The following GRID1 variants were observed in gnomAD, a reference collection of about 807,000 sequenced individuals.
The protein encoded by GRID1 is glutamate receptor ionotropic, delta-1.
A neutral mutation model predicts 98.0 loss-of-function variants in GRID1; 28 were observed. The observed-to-expected ratio is 0.29, with a 90% CI of 0.21 to 0.39. The LOEUF (loss-of-function observed/expected upper bound fraction) is 0.39. Among genes scored for constraint, GRID1 ranks in the 10% least tolerant of loss-of-function variants. The pLI, the probability that GRID1 is intolerant of heterozygous loss-of-function variation, is 1.00. For missense variants in GRID1, 1,111 were observed against 1,340.5 expected, an observed-to-expected ratio of 0.83 and a Z score of 2.67; for synonymous variants, 553 against 538.5, an observed-to-expected ratio of 1.03 and a Z score of -0.37.
intron 8 of GRID1, among the ~76,000 whole-genome samples, chr10:85,767,842 T>A (rs117009506): frequency 6.6e-6 from 1 of 152,342 alleles, no homozygotes; most frequent in East Asian, 1.9e-4. Context: ...GCATGAGATG[T>A]TTGTTGAGAG....
chr10:85,599,802 A>AAAAAAATATATATATATATATATATATAT lies in GRID1; in HGVS notation c.*2470_*2471insATATATATATATATATATATATATTTTTT. The AAAAAAATATATATATATATATATATATAT allele has an allele frequency of 4.6e-5, 3 of 64,996 alleles. No homozygotes were observed. Among genetic ancestry groups the AAAAAAATATATATATATATATATATATAT allele is most frequent in the African/African-American group, 9.3e-5 (1 of 10,730 alleles). 4.0% of individuals were successfully genotyped at this position (64,996 alleles called of 1,614,324 possible). Reference sequence around the variant, plus strand: ...GTAGAAAATTCTAAAAAAAAAAAAAAATATATATATATATATATAAACATG... The same window carrying AAAAAAATATATATATATATATATATATAT: ...GTAGAAAATTCTAAAAAAAAAAAAAAAAAAAATATATATATATATATATATATATATATATATATATATATATAAACATG... On this transcript the variant is annotated 3_prime_UTR_variant, in exon 16 of 16. Coordinates refer to ENST00000327946, the MANE Select transcript of GRID1 (RefSeq NM_017551.3).
intron 12 of GRID1, among the ~76,000 whole-genome samples, chr10:85,666,685 G>T (rs917025128): frequency 6.6e-6 from 1 of 152,180 alleles, no homozygotes; most frequent in Non-Finnish European, 1.5e-5. Context: ...TACAGGGGAC[G>T]TGACTTCAAC....
At chr10:86,199,350 A>G (rs756486674) in intron 3 of GRID1, among the ~76,000 whole-genome samples, 7 of 152,168 alleles carry the variant, frequency 4.6e-5, no homozygotes, top group Non-Finnish European at 7.4e-5. Context: ...AATATATTTA[A>G]CCAATTTGCT....
chr10:86,095,236 T>A, intron 4 of GRID1, among the ~76,000 whole-genome samples: 1 of 152,178 alleles, frequency 6.6e-6, no homozygotes, highest in East Asian at 1.9e-4. Context: ...ACCTAAGACC[T>A]GAAACTATAA....
At chr10:86,178,343 C>T (rs1464542619) in intron 3 of GRID1, among the ~76,000 whole-genome samples, 1 of 152,160 alleles carries the variant, frequency 6.6e-6, no homozygotes, top group Non-Finnish European at 1.5e-5. Flanking sequence ...CCTATTTGCA[C>T]ACAAAAGCGG....
At chr10:85,867,882 G>A (rs987015715) in intron 6 of GRID1, among the ~76,000 whole-genome samples, 1 of 152,214 alleles carries the variant, frequency 6.6e-6, no homozygotes, top group African/African-American at 2.4e-5. Context: ...ACCATCCGTT[G>A]AGGCATGTTT....
intron 12 of GRID1, among the ~76,000 whole-genome samples, chr10:85,719,784 A>T (rs11201750): frequency 0.059 from 9,057 of 152,246 alleles, 510 homozygotes; most frequent in African/African-American, 0.15. Context: ...CAAACTTCAT[A>T]CAGAAATTCA....
intron 2 of GRID1, among the ~76,000 whole-genome samples, chr10:86,247,037 C>A (rs1250268087): frequency 6.6e-6 from 1 of 152,250 alleles, no homozygotes; most frequent in African/African-American, 2.4e-5. Context: ...CTGCCTGACA[C>A]CGTGCCTGGA....
intron 2 of GRID1, among the ~76,000 whole-genome samples, chr10:86,273,107 C>T (rs558373905): frequency 1.3e-4 from 20 of 152,008 alleles, no homozygotes; most frequent in Non-Finnish European, 2.8e-4. Context: ...GTTCCCCTTC[C>T]TCTGTCCATG....
chr10:85,942,196 C>A (rs1462266021), intron 4 of GRID1, among the ~76,000 whole-genome samples: 1 of 152,212 alleles, frequency 6.6e-6, no homozygotes, highest in South Asian at 2.1e-4. Flanking sequence ...TTCTCAAAGT[C>A]CCCCTCAAGG....
At chr10:86,026,885 T>C (rs1843123270) in intron 4 of GRID1, among the ~76,000 whole-genome samples, 1 of 152,200 alleles carries the variant, frequency 6.6e-6, no homozygotes, top group Admixed American at 6.5e-5. Flanking sequence ...ATGCATGACA[T>C]GCTCTCAGCC....
intron 4 of GRID1, among the ~76,000 whole-genome samples, chr10:86,031,473 G>A (rs554625740): frequency 6.6e-6 from 1 of 152,200 alleles, no homozygotes; most frequent in Non-Finnish European, 1.5e-5. Flanking sequence ...TCACTACTTA[G>A]GTGACAGGAT....
At chr10:86,187,180 C>A (rs1228822234) in intron 3 of GRID1, among the ~76,000 whole-genome samples, 2 of 152,176 alleles carry the variant, frequency 1.3e-5, no homozygotes, top group Non-Finnish European at 2.9e-5. Context: ...GCTGTCTCTG[C>A]GACCTCAGAA....
At chr10:86,330,984 A>G (rs536250720) in intron 2 of GRID1, among the ~76,000 whole-genome samples, 17 of 152,270 alleles carry the variant, frequency 1.1e-4, no homozygotes, top group African/African-American at 4.1e-4. Context: ...AGGAAGGAAC[A>G]GGAAGGGCAG....
chr10:85,668,788 C>G (rs1384903104), intron 12 of GRID1, among the ~76,000 whole-genome samples: 2 of 152,190 alleles, frequency 1.3e-5, no homozygotes, highest in Non-Finnish European at 2.9e-5. Context: ...TAAGACACTG[C>G]TTCTAAAGGC....
intron 2 of GRID1, among the ~76,000 whole-genome samples, chr10:86,254,728 G>T (rs769589409): frequency 6.6e-6 from 1 of 152,214 alleles, no homozygotes; most frequent in Non-Finnish European, 1.5e-5. Flanking sequence ...AAGCAGAGCC[G>T]CTGAAGCCTG....
At chr10:85,863,615 T>A (rs1449763262) in intron 6 of GRID1, among the ~76,000 whole-genome samples, 1 of 152,128 alleles carries the variant, frequency 6.6e-6, no homozygotes, top group Non-Finnish European at 1.5e-5. Context: ...CCAGAGATAA[T>A]AAGCATATAA....
rs141348714 is a variant in GRID1 at position 85,954,609 on chromosome 10, A to G, written c.727-38370T>C. On this transcript the variant is annotated intron_variant, in intron 4 of 15. Coordinates refer to ENST00000327946, the MANE Select transcript of GRID1 (RefSeq NM_017551.3). ...TGTAAGGAAGCTGCCACTAAATTTG[A>G]CAACATTACTGTATCATATGGTTCC... 1.5e-3 allele frequency among the ~76,000 whole-genome samples: 231 copies of G among 152,346 alleles called. 1 individual carries two copies. The highest frequency in any genetic ancestry group is 2.3e-3 in the Non-Finnish European group (158 of 68,026).
chr10:86,070,790 C>A (rs777813977), intron 4 of GRID1, among the ~76,000 whole-genome samples: 2 of 152,200 alleles, frequency 1.3e-5, no homozygotes, highest in Admixed American at 6.5e-5. Flanking sequence ...CTAGGCCCAG[C>A]TGATACAGAG....
Sources: gnomAD v4.1 joint callset for allele counts (sites outside exome capture counted in the v4.1 genomes callset) on GRCh38, gnomAD v4.1.1 for gene constraint, MANE v1.5 for transcripts, NCBI Gene and HGNC (gene_info 2026-07-23, HGNC 2026-07-21) for gene names.